ABCC4: variants seen among roughly 807,000 people sequenced by gnomAD.
The protein encoded by ABCC4 is ATP-binding cassette sub-family C member 4.
A neutral mutation model predicts 168.5 loss-of-function variants in ABCC4; 102 were observed. The observed-to-expected ratio is 0.61, with a 90% CI of 0.52 to 0.71. ABCC4 has a LOEUF of 0.71. Ranked by LOEUF, ABCC4 falls within the 30% of genes least tolerant of loss-of-function variation. ABCC4 has a pLI of 0.00. For missense variants in ABCC4, 1,402 were observed against 1,605.8 expected, an observed-to-expected ratio of 0.87 and a Z score of 2.17; for synonymous variants, 617 against 590.7, an observed-to-expected ratio of 1.04 and a Z score of -0.65.
chr13:95,208,351 AGCTT>A (rs2038845391), intron 6 of ABCC4, among the ~76,000 whole-genome samples: 1 of 142,674 alleles, frequency 7.0e-6, no homozygotes, highest in Non-Finnish European at 1.5e-5. Flanking sequence ...AAAAAAAAAA[AGCTT>A]CAGAGGACCA....
chr13:95,060,758 T>C (rs549156762), intron 26 of ABCC4, among the ~76,000 whole-genome samples: 2 of 152,354 alleles, frequency 1.3e-5, no homozygotes, highest in East Asian at 3.9e-4. Flanking sequence ...AGCATAAAAT[T>C]TACTGCTTTT....
chr13:95,182,679 T>C (rs192134994), intron 11 of ABCC4, among the ~76,000 whole-genome samples: 79 of 152,328 alleles, frequency 5.2e-4, no homozygotes, highest in Admixed American at 4.6e-3. Flanking sequence ...GAATAGTTTA[T>C]TATCTCTATT....
chr13:95,224,690 T>C (rs932127564), intron 4 of ABCC4, among the ~76,000 whole-genome samples: 2 of 151,990 alleles, frequency 1.3e-5, no homozygotes, highest in African/African-American at 2.4e-5. Context: ...TGAGCCGAGA[T>C]TGTGCCACTG....
intron 8 of ABCC4, among the ~76,000 whole-genome samples, chr13:95,201,543 G>A (rs1263344590): frequency 6.6e-6 from 1 of 152,196 alleles, no homozygotes; most frequent in African/African-American, 2.4e-5. Flanking sequence ...AAAGATGAAT[G>A]AGGCACTGTG....
At chr13:95,204,090 T>C (rs2038712833) in intron 8 of ABCC4, among the ~76,000 whole-genome samples, 1 of 151,960 alleles carries the variant, frequency 6.6e-6, no homozygotes, top group African/African-American at 2.4e-5. Flanking sequence ...TTAGTAGCAT[T>C]TGCTTAAATC....
At chr13:95,072,321 C>T (rs1014435528) in intron 24 of ABCC4, among the ~76,000 whole-genome samples, 7 of 152,020 alleles carry the variant, frequency 4.6e-5, no homozygotes, top group Non-Finnish European at 8.8e-5. Flanking sequence ...ATTAGCTGGG[C>T]GTGGTGCTGC....
At chr13:95,022,696 G>A (rs1269719990) in intron 30 of ABCC4, among the ~76,000 whole-genome samples, 1 of 152,164 alleles carries the variant, frequency 6.6e-6, no homozygotes, top group African/African-American at 2.4e-5. Flanking sequence ...TTAGTCATAC[G>A]ATTCTGGATC....
chr13:95,301,169 G>T (rs1204976323), intron 1 of ABCC4, 72 bp downstream of exon 1: 13 of 1,413,608 alleles, frequency 9.2e-6, no homozygotes, highest in African/African-American at 1.5e-5. Flanking sequence ...GCAGCATCGG[G>T]CGCGGCCCCG....
rs148576404 is a variant in ABCC4 at position 95,258,504 on chromosome 13, C to A, written c.75-10751G>T. On this transcript the variant is annotated intron_variant, in intron 1 of 30. Transcript: ENST00000645237. ...TACCCTCATTGTCGATCATTTATAT[C>A]CTCATTCTCACTTTCTTTACCCATT... Among the ~76,000 whole-genome samples the A allele has an allele frequency of 8.6e-4, 131 of 152,318 alleles. 1 individual carries two copies. Among genetic ancestry groups the A allele is most frequent in the African/African-American group, 2.8e-3 (118 of 41,570 alleles).
At chr13:95,064,245 GGTGTGT>G (rs530317662) in intron 25 of ABCC4, among the ~76,000 whole-genome samples, 15,107 of 41,476 alleles carry the variant, frequency 0.36, 1,162 homozygotes, top group Middle Eastern at 0.45. Flanking sequence ...GGTACATCCG[GGTGTGT>G]GTGTGTGTGT....
intron 6 of ABCC4, among the ~76,000 whole-genome samples, chr13:95,208,543 G>A (rs535294528): frequency 1.3e-5 from 2 of 148,662 alleles, no homozygotes; most frequent in Admixed American, 6.7e-5. Context: ...TTTCCAATTC[G>A]TTGGAACCTG....
At chr13:95,255,405 C>T (rs2040368014) in intron 1 of ABCC4, among the ~76,000 whole-genome samples, 1 of 152,208 alleles carries the variant, frequency 6.6e-6, no homozygotes, top group Admixed American at 6.5e-5. Context: ...TCCAAAATAG[C>T]CATTCTCCAT....
intron 19 of ABCC4, among the ~76,000 whole-genome samples, chr13:95,133,519 C>T (rs2036045045): frequency 6.6e-6 from 1 of 152,166 alleles, no homozygotes; most frequent in South Asian, 2.1e-4. Context: ...GCATTCAGCT[C>T]GACGTGGACA....
rs1040746765 is a variant in ABCC4 at position 95,064,210 on chromosome 13, A to G, written c.3211-1351T>C. Among the ~76,000 whole-genome samples, 6 of 145,498 alleles carry G rather than the reference A, an allele frequency of 4.1e-5. No individual in the cohort carries two copies. The East Asian group carries it at 5.9e-4, about 14-fold the overall frequency. ...TATGGTAAATCCTAGTTTATACTTTATAGGTGGGCCATTTTCTGCACATAG... is the reference window on the plus strand; with the variant it reads ...TATGGTAAATCCTAGTTTATACTTTGTAGGTGGGCCATTTTCTGCACATAG... On this transcript the variant is annotated intron_variant, in intron 25 of 30. Coordinates refer to ENST00000645237, the MANE Select transcript of ABCC4 (RefSeq NM_005845.5).
At chr13:95,132,917 G>C (rs2036019930) in intron 19 of ABCC4, among the ~76,000 whole-genome samples, 1 of 152,042 alleles carries the variant, frequency 6.6e-6, no homozygotes, top group Admixed American at 6.5e-5. Flanking sequence ...GTGGAGAGAA[G>C]GGGTGGTGGG....
At chr13:95,075,893 T>C (rs940355401) in intron 21 of ABCC4, among the ~76,000 whole-genome samples, 1 of 152,200 alleles carries the variant, frequency 6.6e-6, no homozygotes, top group African/African-American at 2.4e-5. Context: ...AGAAATGATA[T>C]TTTTCTGATT....
chr13:95,265,524 A>T (rs2040646504), intron 1 of ABCC4, among the ~76,000 whole-genome samples: 4 of 152,200 alleles, frequency 2.6e-5, no homozygotes, highest in African/African-American at 7.2e-5. Context: ...TAATCCCAAC[A>T]CTTTGGGAGG....
chr13:95,059,082 A>G (rs1447474283), intron 26 of ABCC4, among the ~76,000 whole-genome samples: 2 of 152,266 alleles, frequency 1.3e-5, no homozygotes, highest in African/African-American at 4.8e-5. Flanking sequence ...GCGCACCTGC[A>G]CAAGCCCACA....
rs2037271688 is a variant in ABCC4, at chr13:95,166,348, C to T, written c.1844G>A (p.Gly615Glu). Residue 615 changes from glycine to glutamate, a missense_variant, in exon 15 of 31, where the codon GGG (glycine) becomes GAG (glutamate). By Grantham distance (98) the Gly-to-Glu change is moderately conservative (BLOSUM62 -2). This residue lies in a region of ABCC4 where 1,007 missense variants were observed against 1,127.3 expected (regional missense o/e 0.89). Coordinates refer to ENST00000645237, the MANE Select transcript of ABCC4 (RefSeq NM_005845.5). ...ILKDGKMVQKGTYTEFLKSGI... is the reference protein window; with the variant it reads ...ILKDGKMVQKETYTEFLKSGI... ...AGATTTTAGGAACTCAGTGTAAGTC[C>T]CCTTCTGCACCATTTTACCCTAAAA... The T allele has an allele frequency of 6.2e-7, 1 of 1,612,586 alleles. No individual in the cohort carries two copies.
Sources: allele counts gnomAD v4.1 joint callset (sites outside exome capture counted in the v4.1 genomes callset), GRCh38; gene constraint gnomAD v4.1.1; regional missense constraint gnomAD v4.1.1; transcripts MANE v1.5; gene names NCBI Gene and HGNC (gene_info 2026-07-23, HGNC 2026-07-21).